NELL1: variants seen among roughly 807,000 people sequenced by gnomAD.
The protein encoded by NELL1 is protein kinase C-binding protein NELL1.
NELL1 carries 76 observed loss-of-function variants against 107.4 expected under a neutral mutation model. The ratio of observed to expected loss-of-function variants is 0.71; its 90% confidence interval spans 0.59 to 0.86. NELL1 has a LOEUF of 0.86. Among genes scored for constraint, NELL1 ranks in the 40% least tolerant of loss-of-function variants. NELL1 has a pLI of 0.00. For missense variants in NELL1, 1,024 were observed against 1,005.5 expected, an observed-to-expected ratio of 1.02 and a Z score of -0.25; for synonymous variants, 353 against 341.2, an observed-to-expected ratio of 1.03 and a Z score of -0.38.
intron 13 of NELL1, among the ~76,000 whole-genome samples, chr11:21,184,123 C>T (rs73452230): frequency 0.02 from 3,036 of 151,900 alleles, 185 homozygotes; most frequent in African/African-American, 0.068. Context: ...GGAGAAGTCA[C>T]TTAACTTCAT....
At chr11:20,968,608 G>A (rs1476911805) in intron 12 of NELL1, among the ~76,000 whole-genome samples, 1 of 152,186 alleles carries the variant, frequency 6.6e-6, no homozygotes, top group African/African-American at 2.4e-5. Flanking sequence ...TACATGACAA[G>A]AGGGTAGCTG....
intron 14 of NELL1, among the ~76,000 whole-genome samples, chr11:21,309,288 A>ATATATATGTATATATATATATATG (rs1554999589): frequency 8.5e-6 from 1 of 117,338 alleles, no homozygotes; most frequent in African/African-American, 3.5e-5. Flanking sequence ...ATGTATATAT[A>ATATATATGTATATATATATATATG]TATATATATA....
chr11:21,177,302 C>A (rs1856734166), intron 13 of NELL1, among the ~76,000 whole-genome samples: 1 of 151,746 alleles, frequency 6.6e-6, no homozygotes, highest in African/African-American at 2.4e-5. Context: ...CACCGTTTTA[C>A]TCCCTACATC....
intron 13 of NELL1, among the ~76,000 whole-genome samples, chr11:21,171,418 A>G (rs1412339674): frequency 6.6e-6 from 1 of 151,894 alleles, no homozygotes; most frequent in Admixed American, 6.5e-5. Flanking sequence ...GTCTATGCAC[A>G]AAATAAACAT....
At chr11:21,301,206 C>T (rs1414614195) in intron 14 of NELL1, among the ~76,000 whole-genome samples, 11 of 152,096 alleles carry the variant, frequency 7.2e-5, no homozygotes, top group African/African-American at 1.2e-4. Flanking sequence ...AATAAACATA[C>T]GTGTGCATGT....
intron 15 of NELL1, among the ~76,000 whole-genome samples, chr11:21,465,049 G>C (rs1166581395): frequency 6.6e-6 from 1 of 152,028 alleles, no homozygotes; most frequent in African/African-American, 2.4e-5. Flanking sequence ...CTGATACAAT[G>C]AGGCTCCCAG....
chr11:21,219,415 G>A (rs1173193158), intron 13 of NELL1, among the ~76,000 whole-genome samples: 1 of 152,030 alleles, frequency 6.6e-6, no homozygotes, highest in Non-Finnish European at 1.5e-5. Context: ...AAAACCTATT[G>A]CCCCATTTCG....
chr11:20,915,717 A>ATATATATATATATATATATATATATATAT, intron 5 of NELL1, among the ~76,000 whole-genome samples: 3 of 58,218 alleles, frequency 5.2e-5, no homozygotes, highest in Non-Finnish European at 8.8e-5. Context: ...ATATATATAT[A>ATATATATATATATATATATATATATATAT]TTTTTTTTTT....
intron 3 of NELL1, among the ~76,000 whole-genome samples, chr11:20,843,627 TA>T (rs1004091983): frequency 2.3e-5 from 2 of 87,976 alleles, no homozygotes; most frequent in Non-Finnish European, 3.5e-5. Flanking sequence ...TATATGAATA[TA>T]AAATTTTATT....
At chr11:21,560,962 G>T (rs957727743) in intron 17 of NELL1, among the ~76,000 whole-genome samples, 7 of 152,018 alleles carry the variant, frequency 4.6e-5, no homozygotes, top group African/African-American at 1.7e-4. Context: ...TGAGCTTAAT[G>T]CTTATGAAAA....
chr11:21,023,425 A>G (rs909399759), intron 12 of NELL1, among the ~76,000 whole-genome samples: 7 of 152,082 alleles, frequency 4.6e-5, no homozygotes, highest in African/African-American at 1.7e-4. Flanking sequence ...ATTTTGATTC[A>G]AAATTATGTG....
chr11:21,560,618 C>G (rs546055504), intron 17 of NELL1, among the ~76,000 whole-genome samples: 1 of 151,998 alleles, frequency 6.6e-6, no homozygotes, highest in Non-Finnish European at 1.5e-5. Context: ...GCAGGGAAGG[C>G]GAAGCAGGGT....
At chr11:21,361,320 C>T (rs1330890031) in intron 14 of NELL1, among the ~76,000 whole-genome samples, 2 of 136,826 alleles carry the variant, frequency 1.5e-5, no homozygotes, top group Non-Finnish European at 3.1e-5. Context: ...ACCCCAATCC[C>T]TTCTTGCTTG....
At chr11:20,768,819 T>C (rs1856585265) in intron 2 of NELL1, among the ~76,000 whole-genome samples, 1 of 152,148 alleles carries the variant, frequency 6.6e-6, no homozygotes, top group Non-Finnish European at 1.5e-5. Context: ...AGAGGGAGTA[T>C]GGCCGTGCCC....
chr11:20,892,633 C>A (rs573677854), intron 5 of NELL1, among the ~76,000 whole-genome samples: 184 of 152,242 alleles, frequency 1.2e-3, no homozygotes, highest in Non-Finnish European at 2.3e-3. Context: ...CACATGCGGC[C>A]GGGCGCAGTG....
intron 13 of NELL1, among the ~76,000 whole-genome samples, chr11:21,194,256 G>T (rs1248469664): frequency 6.7e-6 from 1 of 149,222 alleles, no homozygotes; most frequent in Admixed American, 6.6e-5. Context: ...TCACCTCCGG[G>T]TTCTAACACA....
chr11:20,691,263 A>G (rs1590208124), intron 2 of NELL1, among the ~76,000 whole-genome samples: 2 of 151,706 alleles, frequency 1.3e-5, no homozygotes, highest in South Asian at 2.1e-4. Flanking sequence ...TTCCTAATTG[A>G]ATACCCTTTA....
chr11:20,783,930 C>A (rs910537554), intron 3 of NELL1, 100 bp downstream of exon 3: 1 of 1,110,668 alleles, frequency 9.0e-7, no homozygotes, highest in Non-Finnish European at 1.2e-6. Context: ...AAACTTTCAT[C>A]TAACTGAGGC....
intron 9 of NELL1, among the ~76,000 whole-genome samples, chr11:20,933,557 G>A (rs1850660975): frequency 1.3e-5 from 2 of 152,268 alleles, no homozygotes; most frequent in South Asian, 2.1e-4. Flanking sequence ...GAGGGAGGAA[G>A]GATCTTTGGG....
Sources: gnomAD v4.1 joint callset for allele counts (sites outside exome capture counted in the v4.1 genomes callset) on GRCh38, gnomAD v4.1.1 for gene constraint, MANE v1.5 for transcripts, NCBI Gene and HGNC (gene_info 2026-07-23, HGNC 2026-07-21) for gene names.